The following CSMD1 variants were observed in gnomAD, a reference collection of about 807,000 sequenced individuals.
CSMD1 encodes the protein CUB and sushi domain-containing protein 1.
Under a neutral mutation model 417.5 loss-of-function variants are expected in CSMD1, and 213 were observed. That is an observed-to-expected ratio of 0.51 (90% CI 0.46 to 0.57). The LOEUF is 0.57. CSMD1 is among the 20% of genes least tolerant of loss of function. The pLI is 0.00. For synonymous variants in CSMD1, 2,862 were observed against 1,736.8 expected (o/e 1.65, Z -16.11); for missense variants, 6,923 against 4,529.7 (o/e 1.53, Z -15.17).
chr8:4,906,263 C>T (rs913870227), intron 1 of CSMD1, among the ~76,000 whole-genome samples: 9 of 152,134 alleles, frequency 5.9e-5, no homozygotes, highest in African/African-American at 2.2e-4. Flanking sequence ...AACTCTTTTC[C>T]AAGTAAATAT....
intron 6 of CSMD1, among the ~76,000 whole-genome samples, chr8:3,716,630 G>C (rs1449921695): frequency 6.6e-6 from 1 of 152,138 alleles, no homozygotes; most frequent in Non-Finnish European, 1.5e-5. Flanking sequence ...TTTATGGCCT[G>C]TGTCTTGTGC....
chr8:4,933,885 T>A (rs950601719), intron 1 of CSMD1, among the ~76,000 whole-genome samples: 1 of 152,220 alleles, frequency 6.6e-6, no homozygotes, highest in Non-Finnish European at 1.5e-5. Context: ...AGAAGCATCA[T>A]TTCAAGTAGG....
chr8:3,701,405 A>AT (rs1359933014), intron 7 of CSMD1, among the ~76,000 whole-genome samples: 4 of 152,140 alleles, frequency 2.6e-5, no homozygotes, highest in Admixed American at 6.5e-5. Flanking sequence ...AACAGTTGCG[A>AT]AAGTCTGTCC....
intron 6 of CSMD1, among the ~76,000 whole-genome samples, chr8:3,741,585 GTT>G (rs1267684969): frequency 6.6e-6 from 1 of 152,152 alleles, no homozygotes; most frequent in African/African-American, 2.4e-5. Context: ...AAGATTAACT[GTT>G]TGTTAGAACC....
chr8:4,869,319 T>C lies in CSMD1; in HGVS notation c.85+125013A>G, dbSNP rs1322927911. 3.3e-5 allele frequency among the ~76,000 whole-genome samples: 5 copies of C among 151,850 alleles called. 1 individual carries two copies. Among genetic ancestry groups the C allele is most frequent in the East Asian group, 1.9e-4 (1 of 5,188 alleles). ...TCATTTGATGGAAACAGTGGAGGAG[T>C]TGTGTCTGTAGGGAAACTGGATCTC... is the stretch of plus-strand genomic sequence containing the variant. On this transcript the variant is annotated intron_variant, in intron 1 of 69. Coordinates refer to ENST00000635120, the MANE Select transcript of CSMD1 (RefSeq NM_033225.6).
chr8:4,324,783 G>A (rs1210803554), intron 3 of CSMD1, among the ~76,000 whole-genome samples: 3 of 152,186 alleles, frequency 2.0e-5, no homozygotes, highest in African/African-American at 7.2e-5. Context: ...CATCGAAAGT[G>A]TGTTTACCTA....
At chr8:3,211,749 C>T (rs537319274) in intron 30 of CSMD1, among the ~76,000 whole-genome samples, 7 of 152,336 alleles carry the variant, frequency 4.6e-5, no homozygotes, top group South Asian at 4.1e-4. Context: ...CGGCCCTGCC[C>T]GCACTGGCCA....
intron 1 of CSMD1, among the ~76,000 whole-genome samples, chr8:4,978,451 T>C (rs1448068950): frequency 6.6e-6 from 1 of 152,154 alleles, no homozygotes; most frequent in Non-Finnish European, 1.5e-5. Flanking sequence ...GCCCTACTTA[T>C]GTTAAAGATG....
chr8:3,906,185 T>A (rs749605639), intron 5 of CSMD1, among the ~76,000 whole-genome samples: 2 of 152,158 alleles, frequency 1.3e-5, no homozygotes, highest in East Asian at 1.9e-4. Context: ...TATGGGTTAA[T>A]GTAAGTGAAT....
chr8:3,532,015 T>A (rs1798002721), intron 10 of CSMD1, among the ~76,000 whole-genome samples: 1 of 152,202 alleles, frequency 6.6e-6, no homozygotes, highest in South Asian at 2.1e-4. Context: ...ATGGCACACC[T>A]GGTCCTAAAC....
At chr8:3,221,405 A>C (rs1456502263) in intron 28 of CSMD1, among the ~76,000 whole-genome samples, 2 of 152,304 alleles carry the variant, frequency 1.3e-5, no homozygotes, top group East Asian at 3.9e-4. Flanking sequence ...TGGAATAATA[A>C]TTGTATTTAG....
intron 18 of CSMD1, among the ~76,000 whole-genome samples, chr8:3,376,096 A>G (rs1810284769): frequency 6.6e-6 from 1 of 152,188 alleles, no homozygotes; most frequent in East Asian, 1.9e-4. Context: ...CTATGCTGAT[A>G]GATTTTAAAC....
chr8:3,954,012 C>T lies in CSMD1; in HGVS notation c.818+43891G>A, dbSNP rs1027275101. On this transcript the variant is annotated intron_variant, in intron 5 of 69. Coordinates refer to ENST00000635120, the MANE Select transcript of CSMD1 (RefSeq NM_033225.6). ...TGGTGGTGATGCCTCCAGGTCTCAG[C>T]GCCACCTGCTCATGGTGAGCGGGGC... 4.6e-5 allele frequency among the ~76,000 whole-genome samples: 7 copies of T among 152,256 alleles called. No individual in the cohort carries two copies. The East Asian group carries it at 1.2e-3, about 25-fold the overall frequency.
chr8:4,005,474 A>G (rs1028483298), intron 4 of CSMD1, among the ~76,000 whole-genome samples: 11 of 152,158 alleles, frequency 7.2e-5, no homozygotes, highest in Non-Finnish European at 1.3e-4. Context: ...GCCGACATGA[A>G]CACTGAATTA....
chr8:4,983,433 T>TG, intron 1 of CSMD1, among the ~76,000 whole-genome samples: 1 of 152,244 alleles, frequency 6.6e-6, no homozygotes, highest in Non-Finnish European at 1.5e-5. Flanking sequence ...CTTGGATACT[T>TG]GCAAGAGTGC....
chr8:4,369,685 T>C (rs1802290290), intron 3 of CSMD1, among the ~76,000 whole-genome samples: 1 of 152,186 alleles, frequency 6.6e-6, no homozygotes, highest in African/African-American at 2.4e-5. Flanking sequence ...CCCTTTATCA[T>C]TACGTAATGC....
At chr8:4,038,570 CT>C (rs1163722558) in intron 3 of CSMD1, among the ~76,000 whole-genome samples, 1 of 152,172 alleles carries the variant, frequency 6.6e-6, no homozygotes, top group African/African-American at 2.4e-5. Flanking sequence ...ATGCATGTCT[CT>C]TTGTGACTCC....
At chr8:3,905,200 G>C (rs1165121917) in intron 5 of CSMD1, among the ~76,000 whole-genome samples, 1 of 152,002 alleles carries the variant, frequency 6.6e-6, no homozygotes, top group African/African-American at 2.4e-5. Context: ...TCATATAAAA[G>C]ATAATATTTT....
chr8:4,266,193 G>A (rs1804216377), intron 3 of CSMD1, among the ~76,000 whole-genome samples: 1 of 103,748 alleles, frequency 9.6e-6, no homozygotes, highest in African/African-American at 2.6e-5. Context: ...CCAAGTTGGA[G>A]GTTTTTTACG....
Sources: allele counts gnomAD v4.1 joint callset (sites outside exome capture counted in the v4.1 genomes callset), GRCh38; gene constraint gnomAD v4.1.1; transcripts MANE v1.5; gene names NCBI Gene and HGNC (gene_info 2026-07-23, HGNC 2026-07-21).